Variants in UBXN7 observed in about 807,000 individuals in gnomAD.
UBXN7 encodes the protein UBX domain protein 7.
UBXN7 carries 9 observed loss-of-function variants against 58.0 expected under a neutral mutation model. The observed-to-expected ratio is 0.16, with a 90% CI of 0.09 to 0.27. The LOEUF is 0.27. Ranked by LOEUF, UBXN7 falls within the 10% of genes least tolerant of loss-of-function variation. UBXN7 has a pLI of 1.00. For synonymous variants in UBXN7, 208 were observed against 205.0 expected, an observed-to-expected ratio of 1.01 and a Z score of -0.12; for missense variants, 328 against 599.6, an observed-to-expected ratio of 0.55 and a Z score of 4.73.
At chr3:196,415,696 C>T (rs1004376227) in intron 1 of UBXN7, among the ~76,000 whole-genome samples, 15 of 151,320 alleles carry the variant, frequency 9.9e-5, no homozygotes, top group African/African-American at 3.4e-4. Context: ...GTAGGAAAAT[C>T]GCTTGAACCA....
intron 1 of UBXN7, among the ~76,000 whole-genome samples, chr3:196,408,329 C>A (rs1730224072): frequency 6.6e-6 from 1 of 152,084 alleles, no homozygotes; most frequent in African/African-American, 2.4e-5. Flanking sequence ...AATTTTACAA[C>A]ATGTATTCCA....
rs1021921085 is a variant in UBXN7, at chr3:196,364,589, T to TA, written c.835-1903dup. Among the ~76,000 whole-genome samples, 364 of 142,812 alleles carry TA rather than the reference T, an allele frequency of 2.5e-3. 2 individuals carry two copies. The highest frequency in any genetic ancestry group is 6.9e-3 in the African/African-American group (270 of 39,130). 93.7% of individuals were successfully genotyped at this position (142,812 alleles called of 152,430 possible). A position where few individuals can be genotyped will look rare whatever the true frequency, so the allele number is the denominator to read the frequency against. On this transcript the variant is annotated intron_variant, in intron 8 of 10. Transcript: ENST00000296328. ...CTTAAAATTTTCCATAATAAATAGGTAAAAAAAAAAAGTGTGAGTTGCTAA... is the reference window on the plus strand; with the variant it reads ...CTTAAAATTTTCCATAATAAATAGGTAAAAAAAAAAAAGTGTGAGTTGCTAA...
intron 10 of UBXN7, among the ~76,000 whole-genome samples, chr3:196,360,423 A>T (rs1351900227): frequency 2.0e-5 from 3 of 152,190 alleles, no homozygotes; most frequent in African/African-American, 7.2e-5. Flanking sequence ...TGCTCATTTA[A>T]CATTCCAAAA....
chr3:196,354,531 A>T lies in UBXN7; in HGVS notation c.*2154T>A, dbSNP rs1420646540. 1 of 152,262 alleles carries T rather than the reference A, an allele frequency of 6.6e-6. No homozygotes were observed. The highest frequency in any genetic ancestry group is 2.4e-5 in the African/African-American group (1 of 41,468). The allele number at this position is 152,262 out of a possible 1,614,324, so 9.4% of individuals were successfully genotyped here. On this transcript the variant is annotated 3_prime_UTR_variant, in exon 11 of 11. Transcript: ENST00000296328. ...GTGCCATCAGAGCACAAAGCTGAGC[A>T]AACCTCTCTTCTTACCCTGTGCCCT...
rs751322693 is a variant in UBXN7, at chr3:196,403,000, T to C, written c.241A>G (p.Ile81Val). 3.8e-6 allele frequency: 6 copies of C among 1,596,620 alleles called. No individual in the cohort carries two copies. Among genetic ancestry groups the C allele is most frequent in the Non-Finnish European group, 5.1e-6 (6 of 1,176,390 alleles). The part of the protein sequence containing the change: ...PHTEEEVRAP[I>V]PQKQEILVEP... ...ACCAGTATTTCCTGCTTTTGAGGAA[T>C]TGGGGCACGAACTTCTTCTCTATTA... The change falls in exon 3 of 11, where the codon ATT (isoleucine) becomes GTT (valine). Residue 81 changes from isoleucine (I) to valine (V), a missense_variant. By Grantham distance (29) the Ile-to-Val change is conservative. Coordinates refer to ENST00000296328, the MANE Select transcript of UBXN7 (RefSeq NM_015562.2).
At position 196,348,399 on chromosome 3, in the gene UBXN7, G is replaced by C. The variant is rs1014546190; in HGVS notation, c.*8286C>G. 4 of 152,132 alleles carry C rather than the reference G, an allele frequency of 2.6e-5. No individual in the cohort carries two copies. Among genetic ancestry groups the C allele is most frequent in the Admixed American group, 2.6e-4 (4 of 15,270 alleles). The allele number at this position is 152,132 out of a possible 1,614,324, so 9.4% of individuals were successfully genotyped here. A position where few individuals can be genotyped will look rare whatever the true frequency, so the allele number is the denominator to read the frequency against. On this transcript the variant is annotated 3_prime_UTR_variant, in exon 11 of 11. Transcript: ENST00000296328. The stretch of plus-strand genomic sequence containing the variant: ...TCGATGTGCATTTTAGGGAGCACTT[G>C]CCAGAAACATTACAACAGGAGCACT...
Position 196,362,534 on chromosome 3 carries a change from T to C in UBXN7, c.988A>G (p.Ile330Val), listed in dbSNP as rs745376057. 4.3e-6 allele frequency: 7 copies of C among 1,614,088 alleles called. No homozygotes were observed. The South Asian group carries it at 5.5e-5, about 13-fold the overall frequency. The change falls in exon 9 of 11, where the codon ATA becomes GTA. Residue 330 changes from isoleucine to valine, a missense_variant. This residue lies in a region of UBXN7 where 126 missense variants were observed against 302.6 expected (regional missense o/e 0.42). Coordinates refer to ENST00000296328, the MANE Select transcript of UBXN7 (RefSeq NM_015562.2). ...TCTTCATCAGAGCCACAAACGGATA[T>C]GAACTCCTCACTGCCAGAAAAAAGT... ...SELFSGSEEF[I>V]SVCGSDEEEE...
intron 7 of UBXN7, among the ~76,000 whole-genome samples, chr3:196,368,983 C>T (rs973065294): frequency 1.3e-5 from 2 of 151,996 alleles, no homozygotes; most frequent in African/African-American, 4.8e-5. Context: ...CCACCATGCC[C>T]GGCTAATTTT....
Position 196,371,920 on chromosome 3 carries a change from G to T in UBXN7, c.591C>A (p.Ile197=). The change falls in exon 6 of 11, where the codon ATC becomes ATA. Residue 197 remains isoleucine (I), a synonymous_variant. Transcript: ENST00000296328. ...VWSNEAVKNI[I]REHFIFWQVY... ...CCTGCCAGAAAATGAAATGTTCCCG[G>T]ATAATATTCTTCACAGCTTCGTTGC... 1.2e-6 allele frequency: 2 copies of T among 1,612,552 alleles called. No homozygotes were observed. The highest frequency in any genetic ancestry group is 1.1e-5 in the South Asian group (1 of 90,652).
At chr3:196,410,174 A>G (rs1730281441) in intron 1 of UBXN7, among the ~76,000 whole-genome samples, 1 of 152,118 alleles carries the variant, frequency 6.6e-6, no homozygotes, top group African/African-American at 2.4e-5. Flanking sequence ...TCCTGACCTC[A>G]GGTGATCCAC....
At chr3:196,432,298 C>T (rs771019582) in intron 1 of UBXN7, 29 bp downstream of exon 1, 22 of 1,612,840 alleles carry the variant, frequency 1.4e-5, no homozygotes, top group South Asian at 4.4e-5. Flanking sequence ...GGACCCCACT[C>T]TCCACCTTCC....
rs1728239003 is a variant in UBXN7 at position 196,352,456 on chromosome 3, G to A, written c.*4229C>T. On this transcript the variant is annotated 3_prime_UTR_variant, in exon 11 of 11. Coordinates refer to ENST00000296328, the MANE Select transcript of UBXN7 (RefSeq NM_015562.2). This position sits in a 1 kb window ranked among gnomAD's most constrained non-coding sequence, Gnocchi z 4.1. ...AGATGGGGTTTCACCATGTTGGCCA[G>A]GCTGATCTCGAACTCCCAACCTCAG... is the stretch of plus-strand genomic sequence containing the variant. The A allele has an allele frequency of 6.6e-6, 1 of 151,954 alleles. No homozygotes were observed. Among genetic ancestry groups the A allele is most frequent in the African/African-American group, 2.4e-5 (1 of 41,356 alleles). The allele number at this position is 151,954 out of a possible 1,614,324, so 9.4% of individuals were successfully genotyped here. A position where few individuals can be genotyped will look rare whatever the true frequency, so the allele number is the denominator to read the frequency against.
At chr3:196,399,032 G>A (rs534907456) in intron 3 of UBXN7, among the ~76,000 whole-genome samples, 1 of 152,266 alleles carries the variant, frequency 6.6e-6, no homozygotes, top group Admixed American at 6.5e-5. Flanking sequence ...AATGCCAACT[G>A]TCAAAGTGTA....
In UBXN7 at chr3:196,400,908, A is replaced by C. The variant is rs115681640; in HGVS notation, c.289+2044T>G. Among the ~76,000 whole-genome samples the C allele has an allele frequency of 4.9e-3, 751 of 152,196 alleles. 7 individuals are homozygous for C. The highest frequency in any genetic ancestry group is 0.014 in the Middle Eastern group (4 of 294). ...TCCAAGGGCATTACTCTTTTGCTCC[A>C]AATCTATTCCTAGCATTTATATTTT... On this transcript the variant is annotated intron_variant, in intron 3 of 10. Coordinates refer to ENST00000296328, the MANE Select transcript of UBXN7 (RefSeq NM_015562.2).
At chr3:196,393,766 T>C (rs1729656933) in intron 3 of UBXN7, 147 bp from the exon 4 acceptor site, 1 of 638,644 alleles carries the variant, frequency 1.6e-6, no homozygotes, top group Non-Finnish European at 2.5e-6. Context: ...GCCGTGCTAA[T>C]CTCTGTCTCG....
At chr3:196,425,700 T>C (rs1386073258) in intron 1 of UBXN7, among the ~76,000 whole-genome samples, 1 of 152,230 alleles carries the variant, frequency 6.6e-6, no homozygotes, top group Non-Finnish European at 1.5e-5. Context: ...TTTACTCATT[T>C]GGAATTATCA....
intron 5 of UBXN7, among the ~76,000 whole-genome samples, chr3:196,372,330 T>TCCC (rs1728865963): frequency 8.9e-6 from 1 of 112,896 alleles, no homozygotes; most frequent in African/African-American, 2.9e-5. Flanking sequence ...CTCTCTCCTT[T>TCCC]CTTTCTTTCT....
At chr3:196,418,051 C>T (rs754624497) in intron 1 of UBXN7, among the ~76,000 whole-genome samples, 1 of 151,806 alleles carries the variant, frequency 6.6e-6, no homozygotes, top group Non-Finnish European at 1.5e-5. Flanking sequence ...CCAGCCTGAC[C>T]AACATGTGAA....
At chr3:196,364,214 A>G (rs1280455824) in intron 8 of UBXN7, among the ~76,000 whole-genome samples, 1 of 152,204 alleles carries the variant, frequency 6.6e-6, no homozygotes, top group African/African-American at 2.4e-5. Context: ...ATCACAAAAT[A>G]CGTTGTTTGA....
Sources: allele counts gnomAD v4.1 joint callset (sites outside exome capture counted in the v4.1 genomes callset), GRCh38; gene constraint gnomAD v4.1.1; regional missense constraint gnomAD v4.1.1; non-coding constraint Gnocchi (gnomAD v3.1); transcripts MANE v1.5; gene names NCBI Gene and HGNC (gene_info 2026-07-23, HGNC 2026-07-21).